SPATA31D1: variants seen among roughly 807,000 people sequenced by gnomAD.
SPATA31D1 encodes spermatogenesis-associated protein 31D1.
Under a neutral mutation model 13.2 loss-of-function variants are expected in SPATA31D1, and 6 were observed. The ratio of observed to expected loss-of-function variants is 0.46; its 90% confidence interval spans 0.25 to 0.90. The LOEUF is 0.90. Among genes scored for constraint, SPATA31D1 ranks in the 40% least tolerant of loss-of-function variants. The pLI, the probability that SPATA31D1 is intolerant of heterozygous loss-of-function variation, is 0.18. For missense variants in SPATA31D1, 2,445 were observed against 1,884.7 expected (o/e 1.30, Z -5.50); for synonymous variants, 903 against 718.8 (o/e 1.26, Z -4.10).
rs769161063 is a variant in SPATA31D1, at chr9:81,991,943, C to T, written c.1473C>T (p.Cys491=). The T allele has an allele frequency of 6.2e-7, 1 of 1,613,806 alleles. No individual in the cohort carries two copies. The highest frequency in any genetic ancestry group is 8.5e-7 in the Non-Finnish European group (1 of 1,179,722). Residue 491 remains cysteine (C), a synonymous_variant, in exon 4 of 4, where the codon TGC becomes TGT. Coordinates refer to ENST00000344803, the MANE Select transcript of SPATA31D1 (RefSeq NM_001001670.3). ...ATCAGCAGCCTCCACACTCTAAATG[C>T]TTTGAAGACCATTTAGAGCAAAAAT... ...HIHQQPPHSK[C]FEDHLEQKYV...
In SPATA31D1 at chr9:81,993,901, G is replaced by A; in HGVS notation, c.3431G>A (p.Arg1144Lys). The change falls in exon 4 of 4, where the codon AGA (arginine) becomes AAA (lysine). Residue 1144 changes from arginine (R) to lysine (K), a missense_variant. Physicochemically the swap from Arg to Lys is conservative, Grantham distance 26 (BLOSUM62 2). Transcript: ENST00000344803. Reference sequence around the variant, plus strand: ...AATGTAGACAGGCTTCAGGGCAGTAGAAAGACCTTTCCTGTCACCAATGCT... The same window carrying A: ...AATGTAGACAGGCTTCAGGGCAGTAAAAAGACCTTTCCTGTCACCAATGCT... Reference protein sequence around the residue: ...FHNVDRLQGSRKTFPVTNALQ... With the variant: ...FHNVDRLQGSKKTFPVTNALQ... 6.2e-7 allele frequency: 1 copy of A among 1,613,960 alleles called. No individual in the cohort carries two copies. The highest frequency in any genetic ancestry group is 8.5e-7 in the Non-Finnish European group (1 of 1,179,868).
chr9:81,992,735 C>T lies in SPATA31D1; in HGVS notation c.2265C>T (p.Ser755=). 4 of 1,613,824 alleles carry T rather than the reference C, an allele frequency of 2.5e-6. No homozygotes were observed. The highest frequency in any genetic ancestry group is 2.2e-5 in the East Asian group (1 of 44,876). ...LKKSASSFPR[S]FHERSSNMLS... Reference sequence around the variant, plus strand: ...AGTCCGCATCAAGCTTCCCTAGAAGCTTCCACGAGAGGAGCTCAAATATGC... The same window carrying T: ...AGTCCGCATCAAGCTTCCCTAGAAGTTTCCACGAGAGGAGCTCAAATATGC... The change falls in exon 4 of 4, where the codon AGC becomes AGT. Residue 755 remains serine (S), a synonymous_variant. Transcript: ENST00000344803.
chr9:81,989,328 G>A (rs1293386100), intron 1 of SPATA31D1, among the ~76,000 whole-genome samples: 1 of 152,196 alleles, frequency 6.6e-6, no homozygotes, highest in Non-Finnish European at 1.5e-5. Flanking sequence ...CTCTGAAGGA[G>A]AACGGTCTCT....
rs369132919 is a variant in SPATA31D1 at position 81,992,741 on chromosome 9, C to T, written c.2271C>T (p.His757=). 39 of 1,613,702 alleles carry T rather than the reference C, an allele frequency of 2.4e-5. No homozygotes were observed. Among genetic ancestry groups the T allele is most frequent in the South Asian group, 1.1e-4 (10 of 91,082 alleles). ...KSASSFPRSF[H]ERSSNMLSME... is the part of the protein sequence containing the mutation. ...CATCAAGCTTCCCTAGAAGCTTCCA[C>T]GAGAGGAGCTCAAATATGCTTTCCA... Residue 757 remains histidine, a synonymous_variant, in exon 4 of 4, where the codon CAC becomes CAT. Transcript: ENST00000344803.
In SPATA31D1 at chr9:81,992,017, A is replaced by C. The variant is rs1279888448; in HGVS notation, c.1547A>C (p.His516Pro). ...GLPSLHSESL[H>P]PTVLVQRGHS... ...CCATCTTTGCACAGCGAGTCTCTGC[A>C]TCCTACTGTTCTTGTCCAACGTGGC... Residue 516 changes from histidine (H) to proline (P), a missense_variant, in exon 4 of 4, where the codon CAT (histidine) becomes CCT (proline). By Grantham distance (77) the His-to-Pro change is moderately conservative. Transcript: ENST00000344803. 1.2e-6 allele frequency: 2 copies of C among 1,613,784 alleles called. No homozygotes were observed. Among genetic ancestry groups the C allele is most frequent in the Non-Finnish European group, 1.7e-6 (2 of 1,179,714 alleles).
rs1386490225 is a variant in SPATA31D1, at chr9:81,990,809, G to A, written c.339G>A (p.Gln113=). The A allele has an allele frequency of 1.2e-6, 2 of 1,613,300 alleles. No homozygotes were observed. The highest frequency in any genetic ancestry group is 2.2e-5 in the East Asian group (1 of 44,842). Residue 113 remains glutamine, a synonymous_variant, in exon 4 of 4, where the codon CAG becomes CAA. Transcript: ENST00000344803. The part of the protein sequence containing the change: ...GPPVSCSPRG[Q]HHDTNHFRRL... ...CTGTTTCCTGCAGTCCTCGGGGCCA[G>A]CATCATGATACCAACCACTTTCGTC...
chr9:81,993,843 G>C lies in SPATA31D1; in HGVS notation c.3373G>C (p.Glu1125Gln), dbSNP rs2133443597. 6.2e-7 allele frequency: 1 copy of C among 1,614,022 alleles called. No individual in the cohort carries two copies. The highest frequency in any genetic ancestry group is 2.2e-5 in the East Asian group (1 of 44,868). ...CATAATGCAAGCTGGAGCTGGCTGT[G>C]AGTCATGGGATAAGAGAAAGAGTTC... The part of the protein sequence containing the change: ...LPIMQAGAGC[E>Q]SWDKRKSSFH... Residue 1125 changes from glutamate (E) to glutamine (Q), a missense_variant, in exon 4 of 4, where the codon GAG becomes CAG. Transcript: ENST00000344803.
In SPATA31D1 at chr9:81,993,854, T is replaced by C; in HGVS notation, c.3384T>C (p.Asp1128=). Residue 1128 remains aspartate, a synonymous_variant, in exon 4 of 4, where the codon GAT becomes GAC. Coordinates refer to ENST00000344803, the MANE Select transcript of SPATA31D1 (RefSeq NM_001001670.3). Reference sequence around the variant, plus strand: ...CTGGAGCTGGCTGTGAGTCATGGGATAAGAGAAAGAGTTCCTTTCATAATG... The same window carrying C: ...CTGGAGCTGGCTGTGAGTCATGGGACAAGAGAAAGAGTTCCTTTCATAATG... ...MQAGAGCESW[D]KRKSSFHNVD... is the part of the protein sequence containing the mutation. 1 of 1,613,958 alleles carries C rather than the reference T, an allele frequency of 6.2e-7. No individual in the cohort carries two copies.
rs753821063 is a variant in SPATA31D1, at chr9:81,991,929, C to G, written c.1459C>G (p.Pro487Ala). 1 of 1,613,798 alleles carries G rather than the reference C, an allele frequency of 6.2e-7. No homozygotes were observed. The highest frequency in any genetic ancestry group is 1.7e-5 in the Admixed American group (1 of 60,012). Residue 487 changes from proline (P) to alanine (A), a missense_variant, in exon 4 of 4, where the codon CCA (proline) becomes GCA (alanine). Physicochemically the swap from Pro to Ala is conservative, Grantham distance 27. Coordinates refer to ENST00000344803, the MANE Select transcript of SPATA31D1 (RefSeq NM_001001670.3). ...LEWQHIHQQP[P>A]HSKCFEDHLE... ...ATGGCAGCACATCCATCAGCAGCCT[C>G]CACACTCTAAATGCTTTGAAGACCA...
chr9:81,991,757 A>G lies in SPATA31D1; in HGVS notation c.1287A>G (p.Lys429=). ...AAAGGGGTGATTTCCTGATGTGGAA[A>G]GAAAATGGAAAGAAACCAGGATCAT... The part of the protein sequence containing the change: ...VKKRGDFLMW[K]ENGKKPGSFP... The change falls in exon 4 of 4, where the codon AAA becomes AAG. Residue 429 remains lysine, a synonymous_variant. Coordinates refer to ENST00000344803, the MANE Select transcript of SPATA31D1 (RefSeq NM_001001670.3). The G allele has an allele frequency of 6.2e-7, 1 of 1,613,810 alleles. No individual in the cohort carries two copies. Among genetic ancestry groups the G allele is most frequent in the African/African-American group, 1.3e-5 (1 of 75,042 alleles).
Position 81,993,646 on chromosome 9 carries a change from A to G in SPATA31D1, c.3176A>G (p.Glu1059Gly). 1.9e-6 allele frequency: 3 copies of G among 1,614,040 alleles called. No individual in the cohort carries two copies. The African/African-American group carries it at 4.0e-5, about 22-fold the overall frequency. The change falls in exon 4 of 4, where the codon GAA becomes GGA. Residue 1059 changes from glutamate (E) to glycine (G), a missense_variant. Transcript: ENST00000344803. ...SYLVTSPVNQ[E>G]KQGTLRREFS... The stretch of plus-strand genomic sequence containing the variant: ...CTTGTCACTTCACCTGTCAACCAAG[A>G]AAAGCAGGGGACCCTGAGAAGAGAA...
upstream of SPATA31D1, among the ~76,000 whole-genome samples, chr9:81,988,377 G>A (rs925001186): frequency 3.3e-5 from 5 of 152,184 alleles, no homozygotes; most frequent in Non-Finnish European, 5.9e-5. Context: ...CGTTCTGTAG[G>A]TAAGATGGAT....
In SPATA31D1 at chr9:81,993,965, G is replaced by C; in HGVS notation, c.3495G>C (p.Lys1165Asn). 1 of 1,613,830 alleles carries C rather than the reference G, an allele frequency of 6.2e-7. No individual in the cohort carries two copies. The highest frequency in any genetic ancestry group is 8.5e-7 in the Non-Finnish European group (1 of 1,179,780). Residue 1165 changes from lysine to asparagine, a missense_variant, in exon 4 of 4, where the codon AAG (lysine) becomes AAC (asparagine). Lys to Asn is a moderately conservative substitution (Grantham distance 94). Transcript: ENST00000344803. ...SQTRNNLTTS[K>N]SGSCSLTNVK... Reference sequence around the variant, plus strand: ...CTAGGAACAACTTGACAACCAGCAAGTCAGGAAGCTGCTCACTGACAAATG... The same window carrying C: ...CTAGGAACAACTTGACAACCAGCAACTCAGGAAGCTGCTCACTGACAAATG...
At chr9:81,988,749 G>A, upstream of SPATA31D1, 2 of 1,609,448 alleles carry the variant, frequency 1.2e-6, no homozygotes, top group Admixed American at 1.7e-5. Context: ...TGTGATGCAG[G>A]CCTGTGCTTA....
rs1825036162 is a variant in SPATA31D1, at chr9:81,993,855, A to G, written c.3385A>G (p.Lys1129Glu). 3 of 1,613,994 alleles carry G rather than the reference A, an allele frequency of 1.9e-6. No homozygotes were observed. The highest frequency in any genetic ancestry group is 2.5e-6 in the Non-Finnish European group (3 of 1,179,886). The part of the protein sequence containing the change: ...QAGAGCESWD[K>E]RKSSFHNVDR... The stretch of plus-strand genomic sequence containing the variant: ...TGGAGCTGGCTGTGAGTCATGGGAT[A>G]AGAGAAAGAGTTCCTTTCATAATGT... The change falls in exon 4 of 4, where the codon AAG becomes GAG. Residue 1129 changes from lysine (K) to glutamate (E), a missense_variant. Physicochemically the swap from Lys to Glu is moderately conservative, Grantham distance 56 (BLOSUM62 1). Coordinates refer to ENST00000344803, the MANE Select transcript of SPATA31D1 (RefSeq NM_001001670.3).
rs775493727 is a variant in SPATA31D1 at position 81,990,870 on chromosome 9, A to G, written c.400A>G (p.Lys134Glu). The G allele has an allele frequency of 6.2e-6, 10 of 1,613,888 alleles. No homozygotes were observed. The Admixed American group carries it at 1.7e-4, about 27-fold the overall frequency. The change falls in exon 4 of 4, where the codon AAG (lysine) becomes GAG (glutamate). Residue 134 changes from lysine (K) to glutamate (E), a missense_variant. Transcript: ENST00000344803. Reference protein sequence around the residue: ...LCPDPVCRVCKRATADIQQLL... With the variant: ...LCPDPVCRVCERATADIQQLL... ...CCCAGACCCCGTCTGTCGGGTGTGT[A>G]AGAGAGCAACTGCTGATATCCAGCA... is the stretch of plus-strand genomic sequence containing the variant.
At position 81,993,190 on chromosome 9, in the gene SPATA31D1, T is replaced by C. The variant is rs1187149401; in HGVS notation, c.2720T>C (p.Ile907Thr). ...SNKQKMLEAHIKTFRMRMLWG... is the reference protein window; with the variant it reads ...SNKQKMLEAHTKTFRMRMLWG... ...AAACAAAAGATGTTGGAAGCCCATA[T>C]TAAAACTTTCCGTATGAGGATGCTG... Residue 907 changes from isoleucine (I) to threonine (T), a missense_variant, in exon 4 of 4, where the codon ATT becomes ACT. By Grantham distance (89) the Ile-to-Thr change is moderately conservative. Transcript: ENST00000344803. 8.1e-6 allele frequency: 13 copies of C among 1,613,870 alleles called. No individual in the cohort carries two copies. Among genetic ancestry groups the C allele is most frequent in the Non-Finnish European group, 1.1e-5 (13 of 1,179,894 alleles).
chr9:81,991,219 C>A lies in SPATA31D1; in HGVS notation c.749C>A (p.Pro250Gln). ...CAGCTTCCCTTTCCCCTTCTCCCAC[C>A]ACATCACATTGAGAGAGTGGAGTCC... ...PQQLPFPLLP[P>Q]HHIERVESSL... The change falls in exon 4 of 4, where the codon CCA (proline) becomes CAA (glutamine). Residue 250 changes from proline to glutamine, a missense_variant. Coordinates refer to ENST00000344803, the MANE Select transcript of SPATA31D1 (RefSeq NM_001001670.3). 6.2e-7 allele frequency: 1 copy of A among 1,614,008 alleles called. No homozygotes were observed. Among genetic ancestry groups the A allele is most frequent in the Non-Finnish European group, 8.5e-7 (1 of 1,179,904 alleles).
rs746259225 is a variant in SPATA31D1, at chr9:81,995,034, A to G, written c.4564A>G (p.Lys1522Glu). Residue 1522 changes from lysine (K) to glutamate (E), a missense_variant, in exon 4 of 4, where the codon AAG becomes GAG. Transcript: ENST00000344803. ...QSHPQSMPHRKPVPHPNPTCR... is the reference protein window; with the variant it reads ...QSHPQSMPHREPVPHPNPTCR... ...CCATCCCCAATCCATGCCCCACAGG[A>G]AGCCTGTGCCACATCCAAACCCCAC... 7 of 1,613,942 alleles carry G rather than the reference A, an allele frequency of 4.3e-6. No individual in the cohort carries two copies. Among genetic ancestry groups the G allele is most frequent in the East Asian group, 4.5e-5 (2 of 44,876 alleles).
Sources: allele counts gnomAD v4.1 joint callset (sites outside exome capture counted in the v4.1 genomes callset), GRCh38; gene constraint gnomAD v4.1.1; transcripts MANE v1.5; gene names NCBI Gene and HGNC (gene_info 2026-07-23, HGNC 2026-07-21).